Variants in RIMBP2 observed in about 807,000 individuals in gnomAD.
The protein encoded by RIMBP2 is RIMS binding protein 2.
In RIMBP2, 48 loss-of-function variants were observed where a neutral mutation model predicts 118.6. That is an observed-to-expected ratio of 0.40 (90% CI 0.32 to 0.51). The LOEUF is 0.51. Among genes scored for constraint, RIMBP2 ranks in the 20% least tolerant of loss-of-function variants. RIMBP2 has a pLI of 0.41. For synonymous variants in RIMBP2, 762 were observed against 742.9 expected (o/e 1.03, Z -0.42); for missense variants, 1,551 against 1,768.3 (o/e 0.88, Z 2.20).
At chr12:130,493,739 T>C (rs542458421) in intron 4 of RIMBP2, among the ~76,000 whole-genome samples, 11 of 152,368 alleles carry the variant, frequency 7.2e-5, no homozygotes, top group Admixed American at 7.2e-4. Context: ...AATTAAAACT[T>C]GCCATTCCAA....
At chr12:130,532,458 T>C (rs2053539757) in intron 2 of RIMBP2, among the ~76,000 whole-genome samples, 2 of 150,074 alleles carry the variant, frequency 1.3e-5, no homozygotes, top group African/African-American at 5.0e-5. Context: ...TCTAATGAGA[T>C]GCGTGTGTTC....
At chr12:130,505,642 C>T (rs866472506) in intron 4 of RIMBP2, among the ~76,000 whole-genome samples, 6 of 75,850 alleles carry the variant, frequency 7.9e-5, no homozygotes, top group African/African-American at 2.3e-4. Flanking sequence ...GGTCACTCAT[C>T]CCCATCCCCC....
At chr12:130,558,551 C>T (rs984482751) in intron 2 of RIMBP2, among the ~76,000 whole-genome samples, 3 of 152,092 alleles carry the variant, frequency 2.0e-5, no homozygotes, top group Non-Finnish European at 4.4e-5. Flanking sequence ...AGTCCGACTC[C>T]AGGGACCCAA....
chr12:130,659,485 C>CGT (rs1453156805), intron 1 of RIMBP2, among the ~76,000 whole-genome samples: 2 of 151,372 alleles, frequency 1.3e-5, no homozygotes, highest in African/African-American at 2.4e-5. Flanking sequence ...AGGAGAATGG[C>CGT]GTGAACCCGG....
At chr12:130,507,507 A>C (rs2050482051) in intron 3 of RIMBP2, among the ~76,000 whole-genome samples, 1 of 152,196 alleles carries the variant, frequency 6.6e-6, no homozygotes, top group African/African-American at 2.4e-5. Flanking sequence ...CTCATCTTAA[A>C]AGTGAATAAA....
chr12:130,525,563 G>A lies in RIMBP2; in HGVS notation c.-216-7646C>T, dbSNP rs556309085. On this transcript the variant is annotated intron_variant, in intron 2 of 22. Coordinates refer to ENST00000690449, the MANE Select transcript of RIMBP2 (RefSeq NM_001393629.1). This position sits in a 1 kb window ranked among gnomAD's most constrained non-coding sequence, Gnocchi z 4.4. Reference sequence around the variant, plus strand: ...GGAATGTGGGTAGCTGCCGGGAACAGCAGCCCTCCAGGAAGCCCAGTCAAG... The same window carrying A: ...GGAATGTGGGTAGCTGCCGGGAACAACAGCCCTCCAGGAAGCCCAGTCAAG... Among the ~76,000 whole-genome samples, 1 of 152,280 alleles carries A rather than the reference G, an allele frequency of 6.6e-6. No homozygotes were observed. Among genetic ancestry groups the A allele is most frequent in the South Asian group, 2.1e-4 (1 of 4,826 alleles).
At chr12:130,484,280 C>A (rs1284726349) in intron 4 of RIMBP2, among the ~76,000 whole-genome samples, 2 of 152,212 alleles carry the variant, frequency 1.3e-5, no homozygotes, top group Non-Finnish European at 2.9e-5. Flanking sequence ...GCCTCTCATG[C>A]CCTGCTGTAA....
At chr12:130,461,697 A>T (rs1232035830) in intron 6 of RIMBP2, among the ~76,000 whole-genome samples, 1 of 151,996 alleles carries the variant, frequency 6.6e-6, no homozygotes, top group Non-Finnish European at 1.5e-5. Context: ...AGTTCACACA[A>T]GGTCTGCTTG....
intron 6 of RIMBP2, among the ~76,000 whole-genome samples, chr12:130,470,022 A>C (rs1018103548): frequency 1.3e-5 from 2 of 152,154 alleles, no homozygotes; most frequent in Non-Finnish European, 2.9e-5. Flanking sequence ...CTGGCATTGG[A>C]CCAGGAGCCA....
chr12:130,457,718 C>T (rs2079573048), intron 6 of RIMBP2, among the ~76,000 whole-genome samples: 1 of 152,224 alleles, frequency 6.6e-6, no homozygotes, highest in African/African-American at 2.4e-5. Flanking sequence ...GGCCCCAAGC[C>T]TCTGCTTTCT....
At chr12:130,448,288 CCTCGGGGGACATTAG>C (rs1328213094) in intron 9 of RIMBP2, among the ~76,000 whole-genome samples, 4 of 152,180 alleles carry the variant, frequency 2.6e-5, no homozygotes, top group Non-Finnish European at 2.9e-5. Context: ...GTGGGTCAGT[CCTCGGGGGACATTAG>C]CTCTAGGGCA....
chr12:130,636,197 G>T (rs1315566213), intron 1 of RIMBP2, among the ~76,000 whole-genome samples: 1 of 152,236 alleles, frequency 6.6e-6, no homozygotes. Flanking sequence ...GACATGGCTG[G>T]CTCTATTGTC....
rs1007757817 is a variant in RIMBP2, at chr12:130,469,149, C to T, written c.153+1544G>A. 6.6e-6 allele frequency: 1 copy of T among 152,670 alleles called. No homozygotes were observed. Among genetic ancestry groups the T allele is most frequent in the African/African-American group, 2.4e-5 (1 of 41,460 alleles). The allele number at this position is 152,670 out of a possible 1,614,324, so 9.5% of individuals were successfully genotyped here. ...GGGAAGATGCTATTCTCTAGAATAC[C>T]TGCATGCTGTCCAAGGTGTTCTGCG... On this transcript the variant is annotated intron_variant, in intron 6 of 22. Coordinates refer to ENST00000690449, the MANE Select transcript of RIMBP2 (RefSeq NM_001393629.1). The surrounding 1 kb of genome is among the most constrained non-coding windows in gnomAD (Gnocchi z 4.8).
intron 2 of RIMBP2, among the ~76,000 whole-genome samples, chr12:130,535,533 T>C (rs1045753098): frequency 1.3e-5 from 2 of 151,524 alleles, no homozygotes; most frequent in African/African-American, 4.9e-5. Context: ...ATAATAATAT[T>C]AATAACAACA....
intron 1 of RIMBP2, among the ~76,000 whole-genome samples, chr12:130,629,101 G>A (rs1029556807): frequency 2.6e-5 from 4 of 152,070 alleles, no homozygotes; most frequent in African/African-American, 7.2e-5. Flanking sequence ...CTTCTGTTTT[G>A]CTAAAAAGAG....
At chr12:130,611,869 C>T (rs912238925) in intron 2 of RIMBP2, among the ~76,000 whole-genome samples, 13 of 152,132 alleles carry the variant, frequency 8.5e-5, no homozygotes, top group Admixed American at 2.0e-4. Flanking sequence ...CCATGCAGGG[C>T]GCCTGCAAGA....
intron 7 of RIMBP2, among the ~76,000 whole-genome samples, chr12:130,454,644 T>C (rs1271758396): frequency 6.6e-6 from 1 of 152,284 alleles, no homozygotes; most frequent in Non-Finnish European, 1.5e-5. Context: ...GCAAACCTTC[T>C]TCTCTGCCAG....
rs57009125 is a variant in RIMBP2 at position 130,608,556 on chromosome 12, T to C, written c.-217+19766A>G. ...GAAGAGGCTTCCCCAGGTCAGGAGC[T>C]GTTGGGCTAGGACCCTCCTCCTGGG... On this transcript the variant is annotated intron_variant, in intron 2 of 22. Coordinates refer to ENST00000690449, the MANE Select transcript of RIMBP2 (RefSeq NM_001393629.1). Among the ~76,000 whole-genome samples the C allele has an allele frequency of 1.7e-4, 26 of 152,238 alleles. No homozygotes were observed. The East Asian group carries it at 4.1e-3, about 24-fold the overall frequency.
At chr12:130,579,953 G>C (rs1473795170) in intron 2 of RIMBP2, among the ~76,000 whole-genome samples, 1 of 149,620 alleles carries the variant, frequency 6.7e-6, no homozygotes, top group Non-Finnish European at 1.5e-5. Context: ...GGAAGGCGAG[G>C]CAGGCGATCA....
Sources: allele counts gnomAD v4.1 joint callset (sites outside exome capture counted in the v4.1 genomes callset), GRCh38; gene constraint gnomAD v4.1.1; non-coding constraint Gnocchi (gnomAD v3.1); transcripts MANE v1.5; gene names NCBI Gene and HGNC (gene_info 2026-07-23, HGNC 2026-07-21).